Variants in NFATC3 observed in about 807,000 individuals in gnomAD.
The protein encoded by NFATC3 is nuclear factor of activated T cells 3.
NFATC3 carries 46 observed loss-of-function variants against 98.6 expected under a neutral mutation model. The ratio of observed to expected loss-of-function variants is 0.47; its 90% confidence interval spans 0.37 to 0.60. NFATC3 has a LOEUF of 0.60. NFATC3 is among the 20% of genes least tolerant of loss of function. The probability of loss-of-function intolerance (pLI) is 0.00; values close to 1 mark genes in which losing one functional copy is unlikely to be tolerated. For missense variants in NFATC3, 1,256 were observed against 1,295.5 expected (o/e 0.97, Z 0.47); for synonymous variants, 512 against 472.2 (o/e 1.08, Z -1.09).
intron 8 of NFATC3, among the ~76,000 whole-genome samples, chr16:68,187,547 G>A (rs949171512): frequency 2.6e-5 from 4 of 152,094 alleles, no homozygotes; most frequent in African/African-American, 9.7e-5. Context: ...GCTCCTCTCT[G>A]CAGCCAGGGT....
Position 68,214,460 on chromosome 16 carries a change from T to C in NFATC3, c.3107-11890T>C, listed in dbSNP as rs768948930. The C allele has an allele frequency of 3.1e-6, 5 of 1,594,798 alleles. No homozygotes were observed. In the East Asian group the frequency reaches 1.1e-4, roughly 36 times the overall value. ...GAGTGTTGATTGAAATGTGTCATTG[T>C]TTTTGTGCCCAAGTCTGGTATTTGC... is the stretch of plus-strand genomic sequence containing the variant. On this transcript the variant is annotated intron_variant, in intron 9 of 9. Transcript: ENST00000346183.
At chr16:68,157,605 A>C (rs2038686185) in intron 3 of NFATC3, among the ~76,000 whole-genome samples, 1 of 152,148 alleles carries the variant, frequency 6.6e-6, no homozygotes, top group South Asian at 2.1e-4. Flanking sequence ...AGCTTTGTAC[A>C]GTTTTGGTCG....
intron 2 of NFATC3, among the ~76,000 whole-genome samples, chr16:68,126,092 A>G (rs940672328): frequency 2.3e-4 from 35 of 151,996 alleles, no homozygotes; most frequent in African/African-American, 8.4e-4. Flanking sequence ...CCATGCTAGC[A>G]AGGCTGGTCT....
At chr16:68,165,550 C>CATG (rs1337208404) in intron 4 of NFATC3, among the ~76,000 whole-genome samples, 3 of 151,992 alleles carry the variant, frequency 2.0e-5, no homozygotes, top group Non-Finnish European at 4.4e-5. Flanking sequence ...GCACACGCCA[C>CATG]CATGCCTGGC....
At chr16:68,167,133 GGT>G in intron 5 of NFATC3, 118 bp downstream of exon 5, 1 of 1,049,302 alleles carries the variant, frequency 9.5e-7, no homozygotes. Flanking sequence ...CTGGGTTGCT[GGT>G]TTGATTTTCT....
rs73612684 is a variant in NFATC3, at chr16:68,113,986, T to G, written c.104-8001T>G. ...GGCGACTGCCCCTTTCCGTGGGAAC[T>G]TGGTAGTCTTAGGCAGTGTCCAGCC... On this transcript the variant is annotated intron_variant, in intron 1 of 9. Coordinates refer to ENST00000346183, the MANE Select transcript of NFATC3 (RefSeq NM_173165.3). Among the ~76,000 whole-genome samples the G allele has an allele frequency of 4.9e-3, 740 of 152,238 alleles. 7 individuals carry two copies. Among genetic ancestry groups the G allele is most frequent in the African/African-American group, 0.017 (700 of 41,546 alleles).
At chr16:68,120,734 A>G (rs1457374070) in intron 1 of NFATC3, among the ~76,000 whole-genome samples, 6 of 151,906 alleles carry the variant, frequency 3.9e-5, no homozygotes, top group Non-Finnish European at 8.8e-5. Flanking sequence ...CTCCATCTCA[A>G]ACAAACAAAC....
intron 9 of NFATC3, among the ~76,000 whole-genome samples, chr16:68,201,421 T>C (rs2040908198): frequency 6.6e-6 from 1 of 151,040 alleles, no homozygotes; most frequent in South Asian, 2.1e-4. Context: ...TTTTTGTTTG[T>C]TTTTGTTTTT....
intron 1 of NFATC3, among the ~76,000 whole-genome samples, chr16:68,114,036 C>T (rs1355183985): frequency 1.3e-5 from 2 of 152,222 alleles, no homozygotes; most frequent in Non-Finnish European, 2.9e-5. Context: ...ACAACCTGAG[C>T]AGGTTGCACA....
intron 9 of NFATC3, among the ~76,000 whole-genome samples, chr16:68,220,626 G>T (rs1285122294): frequency 6.7e-6 from 1 of 149,600 alleles, no homozygotes; most frequent in Non-Finnish European, 1.5e-5. Context: ...AAATTGTCCC[G>T]GCCGGGCAGG....
At chr16:68,142,399 G>A (rs933334899) in intron 3 of NFATC3, among the ~76,000 whole-genome samples, 3 of 152,176 alleles carry the variant, frequency 2.0e-5, no homozygotes, top group African/African-American at 7.2e-5. Flanking sequence ...TGGTGGCGGT[G>A]TGTAGCAGTG....
At chr16:68,153,425 A>T (rs561973710) in intron 3 of NFATC3, among the ~76,000 whole-genome samples, 3 of 151,168 alleles carry the variant, frequency 2.0e-5, no homozygotes, top group Non-Finnish European at 4.4e-5. Context: ...CCATCCCCCA[A>T]AAAAGAAAAA....
intron 5 of NFATC3, among the ~76,000 whole-genome samples, chr16:68,169,188 G>A (rs2039348722): frequency 6.6e-6 from 1 of 152,196 alleles, no homozygotes; most frequent in East Asian, 1.9e-4. Flanking sequence ...CTTAGAAACA[G>A]CTACCATTGC....
Position 68,185,661 on chromosome 16 carries a change from G to T in NFATC3, c.2098+2295G>T, listed in dbSNP as rs371897424. Among the ~76,000 whole-genome samples the T allele has an allele frequency of 8.2e-3, 1,253 of 152,090 alleles. 17 individuals carry two copies. Among genetic ancestry groups the T allele is most frequent in the African/African-American group, 0.028 (1,172 of 41,444 alleles). On this transcript the variant is annotated intron_variant, in intron 8 of 9. Transcript: ENST00000346183. ...GAGGCCGAGGTGGGCGGATCATGAG[G>T]TCAGGAGATTGAGACCACGGTGAAA...
chr16:68,133,378 A>G (rs1372806641), intron 3 of NFATC3, among the ~76,000 whole-genome samples: 1 of 152,242 alleles, frequency 6.6e-6, no homozygotes, highest in Non-Finnish European at 1.5e-5. Flanking sequence ...CATTATATAC[A>G]TGTATCAAAA....
rs114347111 is a variant in NFATC3 at position 68,172,008 on chromosome 16, C to T, written c.1775-2366C>T. Among the ~76,000 whole-genome samples the T allele has an allele frequency of 8.0e-3, 1,210 of 151,954 alleles. 14 individuals carry two copies. The highest frequency in any genetic ancestry group is 0.027 in the African/African-American group (1,126 of 41,420). On this transcript the variant is annotated intron_variant, in intron 5 of 9. Coordinates refer to ENST00000346183, the MANE Select transcript of NFATC3 (RefSeq NM_173165.3). ...TTCACCATGTTGGTGACTACAGGTACGTTCTAAGTAACAGCAAAAGTGTGT... is the reference window on the plus strand; with the variant it reads ...TTCACCATGTTGGTGACTACAGGTATGTTCTAAGTAACAGCAAAAGTGTGT...
intron 3 of NFATC3, 36 bp downstream of exon 3, chr16:68,126,646 T>C: frequency 6.2e-7 from 1 of 1,607,386 alleles, no homozygotes; most frequent in Non-Finnish European, 8.5e-7. Context: ...GCAGATACCA[T>C]ACACCTAGTG....
intron 3 of NFATC3, 52 bp from the exon 4 acceptor site, chr16:68,157,817 A>G: frequency 6.9e-7 from 1 of 1,454,036 alleles, no homozygotes; most frequent in Admixed American, 1.9e-5. Flanking sequence ...GGCATATTGT[A>G]AAATGCATGG....
intron 3 of NFATC3, among the ~76,000 whole-genome samples, chr16:68,140,294 ACTT>A (rs1349606873): frequency 1.3e-5 from 2 of 152,156 alleles, no homozygotes; most frequent in African/African-American, 4.8e-5. Flanking sequence ...CAGAAAGGGG[ACTT>A]CTTATTTGAA....
Sources: gnomAD v4.1 joint callset for allele counts (sites outside exome capture counted in the v4.1 genomes callset) on GRCh38, gnomAD v4.1.1 for gene constraint, MANE v1.5 for transcripts, NCBI Gene and HGNC (gene_info 2026-07-23, HGNC 2026-07-21) for gene names.